Variants in PROSER3 observed in about 807,000 individuals in gnomAD.
The protein encoded by PROSER3 is proline and serine rich 3.
In PROSER3, 33 loss-of-function variants were observed where a neutral mutation model predicts 50.2. That is an observed-to-expected ratio of 0.66 (90% CI 0.50 to 0.88). PROSER3 has a LOEUF of 0.88. PROSER3 is among the 40% of genes least tolerant of loss of function. The probability of loss-of-function intolerance (pLI) is 0.00; values close to 1 mark genes in which losing one functional copy is unlikely to be tolerated. For synonymous variants in PROSER3, 266 were observed against 259.3 expected (o/e 1.03, Z -0.25); for missense variants, 623 against 612.7 (o/e 1.02, Z -0.18).
At chr19:35,763,641 C>A (rs530372983) in intron 5 of PROSER3, among the ~76,000 whole-genome samples, 415 of 151,220 alleles carry the variant, frequency 2.7e-3, no homozygotes, top group African/African-American at 9.8e-3. Context: ...GTAGCTGGGA[C>A]TACAGGTGCC....
At chr19:35,770,369 GCTT>G (rs1819031208), downstream of PROSER3, among the ~76,000 whole-genome samples, 1 of 152,060 alleles carries the variant, frequency 6.6e-6, no homozygotes, top group South Asian at 2.1e-4. Context: ...GAATTCAACT[GCTT>G]CTCCCCTTCT....
chr19:35,770,847 CTCTT>C (rs936320492), downstream of PROSER3: 42 of 150,990 alleles, frequency 2.8e-4, no homozygotes, highest in African/African-American at 8.8e-4. Flanking sequence ...TAATTTCTCT[CTCTT>C]TCTCTCTCTC....
exon 11 of PROSER3, chr19:35,768,417 C>A: frequency 3.8e-6 from 6 of 1,596,872 alleles, no homozygotes; most frequent in Non-Finnish European, 5.1e-6. Flanking sequence ...AGCGGATGCC[C>A]GATTATCGTT....
At chr19:35,767,904 T>G in exon 9 of PROSER3, 1 of 1,612,672 alleles carries the variant, frequency 6.2e-7, no homozygotes, top group Non-Finnish European at 8.5e-7. Context: ...CAGCCCGAGG[T>G]CCCACTCTCT....
chr19:35,767,377 G>A (rs1218410281), intron 8 of PROSER3: 16 of 162,128 alleles, frequency 9.9e-5, no homozygotes, highest in East Asian at 5.4e-4. Flanking sequence ...TCGAACCCCC[G>A]GCCTCCACCC....
exon 11 of PROSER3, chr19:35,768,643 G>C: frequency 1.4e-6 from 2 of 1,429,662 alleles, no homozygotes; most frequent in Non-Finnish European, 1.8e-6. Context: ...AAGGCCAAGG[G>C]GTCATGCCAA....
intron 2 of PROSER3, 36 bp downstream of exon 2, chr19:35,759,506 C>G: frequency 6.5e-7 from 1 of 1,546,342 alleles, no homozygotes. Context: ...GAGTGCCAGC[C>G]CAGTAGCAAG....
Position 35,759,367 on chromosome 19 carries a change from C to G in PROSER3, c.12-7C>G. ...CGTGCTGCCTGAACCCCACTTTCCT[C>G]TTGCAGCCTGCCAGTTTTCTCCATT... On this transcript the variant is annotated splice_polypyrimidine_tract_variant and splice_region_variant and intron_variant, in intron 1 of 10. Transcript: ENST00000396908. 8 of 1,612,922 alleles carry G rather than the reference C, an allele frequency of 5.0e-6. No individual in the cohort carries two copies. The South Asian group carries it at 7.7e-5, about 16-fold the overall frequency.
chr19:35,760,698 G>A (rs1370134484), intron 3 of PROSER3, among the ~76,000 whole-genome samples: 3 of 151,856 alleles, frequency 2.0e-5, no homozygotes, highest in Non-Finnish European at 4.4e-5. Context: ...TGTTGGCCAG[G>A]CTGGTCTCAA....
chr19:35,759,941 G>A lies in PROSER3; in HGVS notation c.261G>A (p.Trp87Ter), dbSNP rs116498218. ...CCAGCACCACTGAGGGACAGATGTG[G>A]GCCTCCCCAGCACCCACCCTGATTG... is the stretch of plus-strand genomic sequence containing the variant. Residue 87 changes from tryptophan (W) to a stop codon, truncating the protein, a stop_gained, in exon 3 of 11, where the codon TGG (tryptophan) becomes TGA (stop). Coordinates refer to ENST00000396908, the Ensembl canonical transcript of PROSER3. LOFTEE classifies it high-confidence loss of function. 1.2e-3 allele frequency: 1,876 copies of A among 1,607,200 alleles called. 10 individuals carry two copies. The African/African-American group carries it at 0.019, about 17-fold the overall frequency.
At chr19:35,767,899 C>G (rs1440826054) in exon 9 of PROSER3, 3 of 1,613,036 alleles carry the variant, frequency 1.9e-6, no homozygotes, top group Non-Finnish European at 1.7e-6. Flanking sequence ...GCCTGCAGCC[C>G]GAGGTCCCAC....
intron 5 of PROSER3, 192 bp downstream of exon 5, chr19:35,762,548 A>T: frequency 1.7e-5 from 4 of 230,008 alleles, no homozygotes; most frequent in South Asian, 1.7e-4. Context: ...GCCTCTACTA[A>T]AAAAAAAAAA....
chr19:35,768,219 G>T (rs1001516589), exon 10 of PROSER3: 1 of 1,612,976 alleles, frequency 6.2e-7, no homozygotes, highest in African/African-American at 1.3e-5. Context: ...ATAGGGCAGA[G>T]CTGAGTCGGC....
intron 9 of PROSER3, 41 bp downstream of exon 9, chr19:35,768,106 C>T (rs751284687): frequency 1.9e-6 from 3 of 1,598,032 alleles, no homozygotes; most frequent in Non-Finnish European, 2.6e-6. Flanking sequence ...GCAGGCCAGC[C>T]CCCTAAGAGG....
intron 1 of PROSER3, 187 bp downstream of exon 1, chr19:35,758,413 C>A: frequency 3.1e-6 from 2 of 647,258 alleles, no homozygotes; most frequent in East Asian, 3.4e-5. Flanking sequence ...CCCGGGGGTC[C>A]CCTAAGAGTC....
At chr19:35,760,126 A>G in intron 3 of PROSER3, 135 bp downstream of exon 3, 1 of 916,370 alleles carries the variant, frequency 1.1e-6, no homozygotes, top group Non-Finnish European at 1.6e-6. Context: ...TGTGTTAAGA[A>G]CTCTGGTGCT....
chr19:35,761,777 C>T (rs1323091309), intron 3 of PROSER3, among the ~76,000 whole-genome samples: 3 of 152,140 alleles, frequency 2.0e-5, no homozygotes, highest in African/African-American at 7.2e-5. Context: ...GAGAGGATTT[C>T]TTGAGCCCAG....
chr19:35,767,888 T>A, exon 9 of PROSER3: 6 of 1,613,242 alleles, frequency 3.7e-6, no homozygotes, highest in Non-Finnish European at 5.1e-6. Context: ...CCCTGGAGCC[T>A]GCCTGCAGCC....
intron 5 of PROSER3, among the ~76,000 whole-genome samples, chr19:35,764,328 G>A (rs1457581740): frequency 6.6e-6 from 1 of 152,058 alleles, no homozygotes; most frequent in Non-Finnish European, 1.5e-5. Context: ...CTGGGAGGTG[G>A]GATCCATCCT....
Sources: gnomAD v4.1 joint callset for allele counts (sites outside exome capture counted in the v4.1 genomes callset) on GRCh38, gnomAD v4.1.1 for gene constraint, MANE v1.5 for transcripts, NCBI Gene and HGNC (gene_info 2026-07-23, HGNC 2026-07-21) for gene names.